RSF1: variants seen among roughly 807,000 people sequenced by gnomAD.
RSF1 encodes the protein HBV pX-associated protein 8.
RSF1 carries 13 observed loss-of-function variants against 145.2 expected under a neutral mutation model. That is an observed-to-expected ratio of 0.09 (90% confidence interval 0.06 to 0.14). The LOEUF is 0.14. RSF1 is among the 10% of genes least tolerant of loss of function. RSF1 has a pLI of 1.00. For synonymous variants in RSF1, 577 were observed against 592.6 expected (o/e 0.97, Z 0.38); for missense variants, 1,517 against 1,718.2 (o/e 0.88, Z 2.07).
At chr11:77,769,243 C>T (rs1005673932) in intron 1 of RSF1, among the ~76,000 whole-genome samples, 2 of 152,128 alleles carry the variant, frequency 1.3e-5, no homozygotes, top group African/African-American at 4.8e-5. Context: ...ACTGGGATTA[C>T]AGGTGTGAGC....
At position 77,685,165 on chromosome 11, in the gene RSF1, G is replaced by A; in HGVS notation, c.2901-6C>T. ...CATACACCAAGCGTTCTTTTCTTTA[G>A]GTGAAAAACAAACAAAATACATGAG... On this transcript the variant is annotated splice_region_variant and splice_polypyrimidine_tract_variant and intron_variant, in intron 9 of 15. Transcript: ENST00000308488. 1 of 1,530,634 alleles carries A rather than the reference G, an allele frequency of 6.5e-7. No homozygotes were observed. The highest frequency in any genetic ancestry group is 8.8e-7 in the Non-Finnish European group (1 of 1,132,348). The allele number at this position is 1,530,634 out of a possible 1,614,324, so 94.8% of individuals were successfully genotyped here. A position where few individuals can be genotyped will look rare whatever the true frequency, so the allele number is the denominator to read the frequency against.
chr11:77,741,549 T>C (rs1947938988), intron 3 of RSF1, among the ~76,000 whole-genome samples: 1 of 147,454 alleles, frequency 6.8e-6, no homozygotes, highest in African/African-American at 2.5e-5. Context: ...TTAAAAATGT[T>C]TCATTTTTTT....
chr11:77,686,322 T>C (rs1490827107), intron 9 of RSF1, among the ~76,000 whole-genome samples: 2 of 146,232 alleles, frequency 1.4e-5, no homozygotes, highest in Admixed American at 1.4e-4. Context: ...ATGGGAAGAT[T>C]ACTTGAACTC....
the RSF1 span, among the ~76,000 whole-genome samples, chr11:77,867,238 C>CTCTT: frequency 6.6e-6 from 1 of 152,190 alleles, no homozygotes; most frequent in African/African-American, 2.4e-5. Context: ...CATTTGTTAT[C>CTCTT]TCTTTGATAA....
intron 6 of RSF1, among the ~76,000 whole-genome samples, chr11:77,700,149 G>A (rs1157066220): frequency 6.6e-6 from 1 of 151,882 alleles, no homozygotes; most frequent in African/African-American, 2.4e-5. Context: ...TCAAGAGATC[G>A]AGATCATCCT....
chr11:77,870,068 G>A, the RSF1 span: 1 of 256,406 alleles, frequency 3.9e-6, no homozygotes, highest in African/African-American at 2.2e-5. Context: ...TCACTATTTG[G>A]TCCTTTATAT....
intron 14 of RSF1, among the ~76,000 whole-genome samples, chr11:77,673,739 A>G (rs1380114112): frequency 2.6e-5 from 4 of 152,248 alleles, no homozygotes; most frequent in Non-Finnish European, 4.4e-5. Flanking sequence ...ATTAATTATA[A>G]GGAAAAATAA....
upstream of RSF1, chr11:77,821,067 C>G (rs914137974): frequency 4.2e-6 from 2 of 478,374 alleles, no homozygotes; most frequent in Non-Finnish European, 7.3e-6. Flanking sequence ...CGGGACTTCT[C>G]GAGAACAATG....
Position 77,702,430 on chromosome 11 carries a change from T to C in RSF1, c.799A>G (p.Thr267Ala). Residue 267 changes from threonine (T) to alanine (A), a missense_variant, in exon 6 of 16, where the codon ACA becomes GCA. By Grantham distance (58) the Thr-to-Ala change is moderately conservative (BLOSUM62 0). Coordinates refer to ENST00000308488, the MANE Select transcript of RSF1 (RefSeq NM_016578.4). ...EQPMDLENRS[T>A]ANVLEETTVK... ...GTAGTCTCTTCTAGAACATTGGCTGTAGAACGGTTTTCTAAATCCATAGGC... is the reference window on the plus strand; with the variant it reads ...GTAGTCTCTTCTAGAACATTGGCTGCAGAACGGTTTTCTAAATCCATAGGC... The C allele has an allele frequency of 6.3e-7, 1 of 1,583,010 alleles. No individual in the cohort carries two copies. Among genetic ancestry groups the C allele is most frequent in the Admixed American group, 2.0e-5 (1 of 50,362 alleles).
intron 2 of RSF1, among the ~76,000 whole-genome samples, chr11:77,749,654 A>T (rs1469978796): frequency 6.6e-6 from 1 of 152,202 alleles, no homozygotes; most frequent in Non-Finnish European, 1.5e-5. Flanking sequence ...GATGATAAAA[A>T]TCCTTTGCCC....
At chr11:77,764,576 GA>G in intron 2 of RSF1, 21 bp downstream of exon 2, 8 of 1,338,898 alleles carry the variant, frequency 6.0e-6, no homozygotes, top group Non-Finnish European at 8.6e-6. Flanking sequence ...AATAGAGCAG[GA>G]AATTTACAAA....
At chr11:77,871,478 A>G in the RSF1 span, among the ~76,000 whole-genome samples, 1,189 of 152,346 alleles carry the variant, frequency 7.8e-3, 9 homozygotes, top group Non-Finnish European at 0.012. Flanking sequence ...AACTTCAGAT[A>G]ATAATAAACG....
upstream of RSF1, among the ~76,000 whole-genome samples, chr11:77,822,220 A>C (rs576354535): frequency 2.6e-5 from 4 of 152,120 alleles, no homozygotes; most frequent in Non-Finnish European, 5.9e-5. Flanking sequence ...TGGGTGCATC[A>C]CCTGAGCTCT....
At chr11:77,699,305 T>C (rs934517790) in intron 6 of RSF1, among the ~76,000 whole-genome samples, 8 of 152,222 alleles carry the variant, frequency 5.3e-5, no homozygotes, top group Admixed American at 3.9e-4. Flanking sequence ...AGCAAATTTA[T>C]AATGTGACTA....
the RSF1 span, chr11:77,869,694 CCTGT>C: frequency 6.3e-7 from 1 of 1,598,850 alleles, no homozygotes; most frequent in Non-Finnish European, 8.6e-7. Context: ...AGAGCAGGTA[CCTGT>C]CTACTTTCTC....
intron 11 of RSF1, 56 bp downstream of exon 11, chr11:77,683,654 T>C: frequency 8.9e-7 from 1 of 1,120,460 alleles, no homozygotes; most frequent in Non-Finnish European, 1.3e-6. Context: ...TGGATCATGC[T>C]GTGTACTTGC....
At chr11:77,776,431 C>T in intron 1 of RSF1, among the ~76,000 whole-genome samples, 1 of 152,188 alleles carries the variant, frequency 6.6e-6, no homozygotes, top group South Asian at 2.1e-4. Flanking sequence ...TCAGCTCATA[C>T]CTTTTTTCAG....
At chr11:77,668,446 A>G (rs1959429953) in intron 15 of RSF1, among the ~76,000 whole-genome samples, 1 of 152,196 alleles carries the variant, frequency 6.6e-6, no homozygotes, top group African/African-American at 2.4e-5. Flanking sequence ...CAAACTGGAC[A>G]CCCAACTCTG....
chr11:77,750,298 G>C (rs948392745), intron 2 of RSF1, among the ~76,000 whole-genome samples: 1 of 152,124 alleles, frequency 6.6e-6, no homozygotes, highest in Admixed American at 6.5e-5. Flanking sequence ...AATAATTTAG[G>C]CACTATAGGC....
Sources: gnomAD v4.1 joint callset for allele counts (sites outside exome capture counted in the v4.1 genomes callset) on GRCh38, gnomAD v4.1.1 for gene constraint, MANE v1.5 for transcripts, NCBI Gene and HGNC (gene_info 2026-07-23, HGNC 2026-07-21) for gene names.